ANKDD1A: variants seen among roughly 807,000 people sequenced by gnomAD.
ANKDD1A encodes ankyrin repeat and death domain-containing protein 1A.
In ANKDD1A, 59 loss-of-function variants were observed where a neutral mutation model predicts 63.5. The ratio of observed to expected loss-of-function variants is 0.93; its 90% CI spans 0.75 to 1.15. The LOEUF (loss-of-function observed/expected upper bound fraction) is 1.15. Among genes scored for constraint, ANKDD1A ranks in the 50% most tolerant of loss-of-function variants. The probability of loss-of-function intolerance (pLI) is 0.00; values close to 1 mark genes in which losing one functional copy is unlikely to be tolerated. For missense variants in ANKDD1A, 632 were observed against 656.4 expected, an observed-to-expected ratio of 0.96 and a Z score of 0.41; for synonymous variants, 266 against 263.9, an observed-to-expected ratio of 1.01 and a Z score of -0.08.
chr15:64,929,231 T>A (rs528530325), intron 6 of ANKDD1A, among the ~76,000 whole-genome samples: 1 of 152,162 alleles, frequency 6.6e-6, no homozygotes, highest in Non-Finnish European at 1.5e-5. Flanking sequence ...TGGAGTGTAG[T>A]GGCGTAATCA....
intron 6 of ANKDD1A, among the ~76,000 whole-genome samples, chr15:64,927,766 A>G (rs1339701130): frequency 6.6e-6 from 1 of 151,892 alleles, no homozygotes; most frequent in African/African-American, 2.4e-5. Flanking sequence ...CACCACACCC[A>G]GCTAATTTTT....
intron 14 of ANKDD1A, chr15:64,951,401 TTTC>T (rs782130558): frequency 0.33 from 67,973 of 207,586 alleles, 10,799 homozygotes; most frequent in East Asian, 0.74. Context: ...CTTCCTCTTT[TTTC>T]TTTTTTCTTT....
intron 6 of ANKDD1A, among the ~76,000 whole-genome samples, chr15:64,927,687 C>G (rs1036489245): frequency 2.7e-4 from 41 of 149,890 alleles, no homozygotes; most frequent in Admixed American, 2.7e-3. Flanking sequence ...TCACTGCAAG[C>G]TCCGCCTCCC....
At chr15:64,953,817 CTTA>C (rs745482594) in intron 14 of ANKDD1A, among the ~76,000 whole-genome samples, 13 of 105,724 alleles carry the variant, frequency 1.2e-4, no homozygotes, top group East Asian at 3.2e-4. Flanking sequence ...TTTCTTCTTC[CTTA>C]TTCTTTTCTT....
At position 64,928,601 on chromosome 15, in the gene ANKDD1A, G is replaced by A. The variant is rs565313284; in HGVS notation, c.570+1602G>A. Among the ~76,000 whole-genome samples, 14 of 152,286 alleles carry A rather than the reference G, an allele frequency of 9.2e-5. No individual in the cohort carries two copies. The South Asian group carries it at 2.9e-3, about 32-fold the overall frequency. Reference sequence around the variant, plus strand: ...GTAAGTTTTTCAATGCCTGATAAGGGGGATAGACCTCTTAGAGTCAATGAC... The same window carrying A: ...GTAAGTTTTTCAATGCCTGATAAGGAGGATAGACCTCTTAGAGTCAATGAC... On this transcript the variant is annotated intron_variant, in intron 6 of 14. Coordinates refer to ENST00000319580, the MANE Select transcript of ANKDD1A (RefSeq NM_182703.6).
rs770486877 is a variant in ANKDD1A, at chr15:64,942,580, A to G, written c.966+15A>G. On this transcript the variant is annotated intron_variant, in intron 10 of 14. Transcript: ENST00000319580. ...CCGTGGACAATGTAAGTGGCTACAG[A>G]GACCTTCCGGGCCCCAGGGAGCTTC... 1 of 1,605,440 alleles carries G rather than the reference A, an allele frequency of 6.2e-7. No homozygotes were observed. The highest frequency in any genetic ancestry group is 1.1e-5 in the South Asian group (1 of 89,932).
chr15:64,950,340 G>A, intron 14 of ANKDD1A: 2 of 985,344 alleles, frequency 2.0e-6, no homozygotes, highest in Non-Finnish European at 2.4e-6. Context: ...AGACATAGGA[G>A]CCAAAACTGA....
chr15:64,918,265 TAAAATAA>T (rs1440628137), intron 3 of ANKDD1A, among the ~76,000 whole-genome samples: 4 of 152,180 alleles, frequency 2.6e-5, no homozygotes, highest in Non-Finnish European at 4.4e-5. Context: ...ATAAAAATTT[TAAAATAA>T]AAAATAAAAC....
At position 64,949,959 on chromosome 15, in the gene ANKDD1A, G is replaced by T; in HGVS notation, c.1470G>T (p.Arg490Ser). Residue 490 changes from arginine (R) to serine (S), a missense_variant, in exon 14 of 15, where the codon AGG becomes AGT. Arg to Ser is a moderately radical substitution (Grantham distance 110, BLOSUM62 -1). Transcript: ENST00000319580. Reference sequence around the variant, plus strand: ...TCGAGGGCCTCGTGGCCATTGGCAGGAGGGACCTGGCTGGTAAGAGCGTAC... The same window carrying T: ...TCGAGGGCCTCGTGGCCATTGGCAGTAGGGACCTGGCTGGTAAGAGCGTAC... The part of the protein sequence containing the change: ...ALFEGLVAIG[R>S]RDLAGWSTMA... 1 of 1,610,006 alleles carries T rather than the reference G, an allele frequency of 6.2e-7. No individual in the cohort carries two copies. Among genetic ancestry groups the T allele is most frequent in the Non-Finnish European group, 8.5e-7 (1 of 1,179,956 alleles).
At chr15:64,929,372 C>T (rs1397978714) in intron 6 of ANKDD1A, among the ~76,000 whole-genome samples, 1 of 152,142 alleles carries the variant, frequency 6.6e-6, no homozygotes, top group Non-Finnish European at 1.5e-5. Context: ...CGGAGTCTTA[C>T]TATATTGCCC....
intron 9 of ANKDD1A, among the ~76,000 whole-genome samples, chr15:64,939,155 T>C (rs2085160259): frequency 6.6e-6 from 1 of 151,458 alleles, no homozygotes; most frequent in Non-Finnish European, 1.5e-5. Context: ...AAGTTTAGGC[T>C]AGGCATGGTA....
At chr15:64,916,429 G>C (rs2084969165) in intron 2 of ANKDD1A, among the ~76,000 whole-genome samples, 1 of 150,692 alleles carries the variant, frequency 6.6e-6, no homozygotes, top group Non-Finnish European at 1.5e-5. Context: ...GGGCTCAGTT[G>C]ATCCTCCCAT....
In ANKDD1A at chr15:64,917,387, T is replaced by C; in HGVS notation, c.140T>C (p.Val47Ala). 6.2e-7 allele frequency: 1 copy of C among 1,603,736 alleles called. No homozygotes were observed. Among genetic ancestry groups the C allele is most frequent in the Non-Finnish European group, 8.5e-7 (1 of 1,174,476 alleles). The change falls in exon 3 of 15, where the codon GTG becomes GCG. Residue 47 changes from valine to alanine, a missense_variant and splice_region_variant. Physicochemically the swap from Val to Ala is moderately conservative, Grantham distance 64. Transcript: ENST00000319580. ...RRVNTRARNH[V>A]GRVALHWAAG... ...CAAGTGTCATCTCCCTCCGGGCAGG[T>C]GGGCAGGGTGGCCCTGCACTGGGCT...
intron 8 of ANKDD1A, among the ~76,000 whole-genome samples, chr15:64,933,871 C>G (rs923484321): frequency 6.6e-6 from 1 of 151,930 alleles, no homozygotes; most frequent in African/African-American, 2.4e-5. Flanking sequence ...ATCTGCATGT[C>G]TTTACCAGCC....
At chr15:64,946,839 C>T (rs1242036696) in intron 12 of ANKDD1A, among the ~76,000 whole-genome samples, 2 of 152,194 alleles carry the variant, frequency 1.3e-5, no homozygotes, top group African/African-American at 4.8e-5. Context: ...ACTTAACAAC[C>T]AGAACTCTGC....
intron 1 of ANKDD1A, among the ~76,000 whole-genome samples, chr15:64,915,042 C>T (rs866652204): frequency 6.6e-6 from 1 of 152,162 alleles, no homozygotes; most frequent in African/African-American, 2.4e-5. Flanking sequence ...CTGTGGCTCA[C>T]GCCCGTAATC....
chr15:64,947,878 G>A (rs1348910732), intron 13 of ANKDD1A, among the ~76,000 whole-genome samples: 1 of 152,188 alleles, frequency 6.6e-6, no homozygotes, highest in Non-Finnish European at 1.5e-5. Context: ...AAAAAGAAGA[G>A]GGCCTGCTGT....
intron 11 of ANKDD1A, chr15:64,943,894 G>A (rs1046903683): frequency 1.8e-5 from 7 of 386,112 alleles, no homozygotes; most frequent in Admixed American, 1.2e-4. Flanking sequence ...GGAAGTAGAC[G>A]AATACCACAG....
rs1309983216 is a variant in ANKDD1A at position 64,949,963 on chromosome 15, G to A, written c.1474G>A (p.Asp492Asn). The change falls in exon 14 of 15, where the codon GAC becomes AAC. Residue 492 changes from aspartate to asparagine, a missense_variant. Physicochemically the swap from Asp to Asn is conservative, Grantham distance 23. Transcript: ENST00000319580. ...FEGLVAIGRR[D>N]LAGWSTMARS... Reference sequence around the variant, plus strand: ...GGGCCTCGTGGCCATTGGCAGGAGGGACCTGGCTGGTAAGAGCGTACTCTG... The same window carrying A: ...GGGCCTCGTGGCCATTGGCAGGAGGAACCTGGCTGGTAAGAGCGTACTCTG... 3.7e-6 allele frequency: 6 copies of A among 1,609,638 alleles called. No homozygotes were observed. In the African/African-American group the frequency reaches 5.3e-5, roughly 14 times the overall value.
Sources: allele counts gnomAD v4.1 joint callset (sites outside exome capture counted in the v4.1 genomes callset), GRCh38; gene constraint gnomAD v4.1.1; transcripts MANE v1.5; gene names NCBI Gene and HGNC (gene_info 2026-07-23, HGNC 2026-07-21).